Variants in LEPR observed in about 807,000 individuals in gnomAD.
LEPR encodes the protein OB receptor.
A neutral mutation model predicts 114.7 loss-of-function variants in LEPR; 56 were observed. The observed-to-expected ratio is 0.49, with a 90% CI of 0.39 to 0.61. The LOEUF is 0.61. Among genes scored for constraint, LEPR ranks in the 20% least tolerant of loss-of-function variants. LEPR has a pLI of 0.00. For synonymous variants in LEPR, 443 were observed against 461.4 expected (o/e 0.96, Z 0.51); for missense variants, 1,202 against 1,352.9 (o/e 0.89, Z 1.75).
intron 19 of LEPR, among the ~76,000 whole-genome samples, chr1:65,624,700 T>C (rs925581178): frequency 3.3e-5 from 5 of 152,226 alleles, no homozygotes; most frequent in African/African-American, 4.8e-5. Flanking sequence ...TTGTTAAAAA[T>C]GCTGGTTGCA....
At chr1:65,617,799 A>G (rs1483049472) in intron 15 of LEPR, among the ~76,000 whole-genome samples, 165 bp from the exon 16 acceptor site, 1 of 152,204 alleles carries the variant, frequency 6.6e-6, no homozygotes, top group Admixed American at 6.5e-5. Flanking sequence ...CTCTGTTTAA[A>G]TGACTCTCAT....
chr1:65,566,893 A>T (rs563959918), intron 3 of LEPR, among the ~76,000 whole-genome samples: 1 of 152,334 alleles, frequency 6.6e-6, no homozygotes, highest in African/African-American at 2.4e-5. Flanking sequence ...TTTCCAAAAA[A>T]TTATGCCACA....
intron 2 of LEPR, among the ~76,000 whole-genome samples, chr1:65,445,368 C>G (rs756164178): frequency 2.0e-5 from 3 of 152,186 alleles, no homozygotes; most frequent in Non-Finnish European, 2.9e-5. Context: ...AGGAATGTCA[C>G]TTGCTTAGAG....
intron 7 of LEPR, among the ~76,000 whole-genome samples, chr1:65,597,058 A>G (rs372035950): frequency 3.3e-5 from 5 of 152,180 alleles, no homozygotes; most frequent in African/African-American, 1.2e-4. Context: ...ATTTGATCAG[A>G]TTTCTCATCC....
chr1:65,426,848 A>C (rs892889641), intron 2 of LEPR, among the ~76,000 whole-genome samples: 2 of 152,138 alleles, frequency 1.3e-5, no homozygotes, highest in African/African-American at 4.8e-5. Flanking sequence ...AATACAAAAA[A>C]TTAGCTGGGC....
intron 2 of LEPR, among the ~76,000 whole-genome samples, chr1:65,501,702 T>G (rs1458727144): frequency 6.6e-6 from 1 of 152,062 alleles, no homozygotes; most frequent in Non-Finnish European, 1.5e-5. Context: ...CAGAGTGATT[T>G]CTTAGGCTCC....
At chr1:65,479,113 T>G (rs900558113) in intron 2 of LEPR, among the ~76,000 whole-genome samples, 23 of 152,208 alleles carry the variant, frequency 1.5e-4, no homozygotes, top group African/African-American at 5.1e-4. Flanking sequence ...TTCCACGGTG[T>G]GTATGTCAGA....
intron 2 of LEPR, among the ~76,000 whole-genome samples, chr1:65,486,139 G>A (rs377408560): frequency 4.2e-4 from 64 of 152,158 alleles, no homozygotes; most frequent in African/African-American, 1.5e-3. Flanking sequence ...TCATTCAGCC[G>A]TTTTTCTTTA....
intron 6 of LEPR, among the ~76,000 whole-genome samples, chr1:65,595,976 G>A (rs1000495545): frequency 6.6e-6 from 1 of 152,088 alleles, no homozygotes; most frequent in East Asian, 1.9e-4. Context: ...GAGTAGGTTT[G>A]TCTAGATTAT....
chr1:65,581,981 C>T (rs769922302), intron 5 of LEPR, among the ~76,000 whole-genome samples: 5 of 152,164 alleles, frequency 3.3e-5, no homozygotes, highest in South Asian at 2.1e-4. Context: ...CTTTGAAGTC[C>T]GCCAGATTTC....
chr1:65,436,361 TAGAA>T (rs1570445258), intron 2 of LEPR, among the ~76,000 whole-genome samples: 1 of 152,216 alleles, frequency 6.6e-6, no homozygotes. Context: ...AATGCACTAA[TAGAA>T]AGTAGTCTTT....
At chr1:65,632,789 CTCTTT>C (rs1658576764) in intron 19 of LEPR, among the ~76,000 whole-genome samples, 2 of 151,826 alleles carry the variant, frequency 1.3e-5, no homozygotes, top group African/African-American at 2.4e-5. Context: ...CACTGCTCTC[CTCTTT>C]TATTTTTTCT....
chr1:65,493,994 A>G (rs957823722), intron 2 of LEPR: 14 of 152,184 alleles, frequency 9.2e-5, no homozygotes, highest in Non-Finnish European at 2.1e-4. Flanking sequence ...CAAGGAGTTG[A>G]TTCCGTCTGC....
In LEPR at chr1:65,616,182, G is replaced by C. The variant is rs1451911649; in HGVS notation, c.2170G>C (p.Val724Leu). The C allele has an allele frequency of 6.2e-7, 1 of 1,614,070 alleles. No individual in the cohort carries two copies. Among genetic ancestry groups the C allele is most frequent in the African/African-American group, 1.3e-5 (1 of 75,038 alleles). ...VLAINSIGASVANFNLTFSWP... is the reference protein window; with the variant it reads ...VLAINSIGASLANFNLTFSWP... ...GGCCATCAATTCAATTGGTGCTTCT[G>C]TTGCAAATTTTAATTTAACCTTTTC... The change falls in exon 15 of 20, where the codon GTT (valine) becomes CTT (leucine). Residue 724 changes from valine to leucine, a missense_variant. Physicochemically the swap from Val to Leu is conservative, Grantham distance 32 (BLOSUM62 1). Transcript: ENST00000349533.
chr1:65,482,849 G>A (rs1025411033), intron 2 of LEPR, among the ~76,000 whole-genome samples: 2 of 151,966 alleles, frequency 1.3e-5, no homozygotes, highest in African/African-American at 2.4e-5. Context: ...TTAGCCAGGC[G>A]TGGTGGCACA....
Position 65,633,537 on chromosome 1 carries a change from A to G in LEPR, c.2674-2654A>G. On this transcript the variant is annotated intron_variant, in intron 19 of 19. Transcript: ENST00000349533. This position sits in a 1 kb window ranked among gnomAD's most constrained non-coding sequence, Gnocchi z 4.1. ...TTAAATGTCATCAAATATGTAGTAG[A>G]CAATGCTGTAATTAGGTGAACTCTA... 9.7e-7 allele frequency: 1 copy of G among 1,031,178 alleles called. No homozygotes were observed. The highest frequency in any genetic ancestry group is 1.2e-6 in the Non-Finnish European group (1 of 858,578). 63.9% of individuals were successfully genotyped at this position (1,031,178 alleles called of 1,614,324 possible).
rs1658806831 is a variant in LEPR at position 65,639,546 on chromosome 1, C to T, written c.*2531C>T. The T allele has an allele frequency of 6.6e-6, 1 of 151,964 alleles. No individual in the cohort carries two copies. Among genetic ancestry groups the T allele is most frequent in the Non-Finnish European group, 1.5e-5 (1 of 67,982 alleles). The allele number at this position is 151,964 out of a possible 1,614,324, so 9.4% of individuals were successfully genotyped here. On this transcript the variant is annotated 3_prime_UTR_variant, in exon 20 of 20. Coordinates refer to ENST00000349533, the MANE Select transcript of LEPR (RefSeq NM_002303.6). ...AGAAAAAATTTAGAATGTTTTATGC[C>T]TCAGAATGGTCAGGAACTTCCCATT...
intron 2 of LEPR, among the ~76,000 whole-genome samples, chr1:65,427,300 G>A (rs751479879): frequency 8.5e-5 from 13 of 152,170 alleles, no homozygotes; most frequent in South Asian, 2.1e-4. Flanking sequence ...GAGCCCGGCC[G>A]TGGTGGCTCA....
intron 2 of LEPR, among the ~76,000 whole-genome samples, chr1:65,463,448 A>G (rs1646971434): frequency 6.6e-6 from 1 of 152,198 alleles, no homozygotes; most frequent in Non-Finnish European, 1.5e-5. Flanking sequence ...GTTTGAAGTC[A>G]GATAGCATGA....
Sources: allele counts gnomAD v4.1 joint callset (sites outside exome capture counted in the v4.1 genomes callset), GRCh38; gene constraint gnomAD v4.1.1; non-coding constraint Gnocchi (gnomAD v3.1); transcripts MANE v1.5; gene names NCBI Gene and HGNC (gene_info 2026-07-23, HGNC 2026-07-21).